ADGRL3: variants seen among roughly 807,000 people sequenced by gnomAD.
ADGRL3 encodes calcium-independent alpha-latrotoxin receptor 3.
ADGRL3 carries 62 observed loss-of-function variants against 153.5 expected under a neutral mutation model. That is an observed-to-expected ratio of 0.40 (90% confidence interval 0.33 to 0.50). The LOEUF (loss-of-function observed/expected upper bound fraction) is 0.50, where lower values mean the gene tolerates loss of function less well. Ranked by LOEUF, ADGRL3 falls within the 20% of genes least tolerant of loss-of-function variation. ADGRL3 has a pLI of 0.47. For synonymous variants in ADGRL3, 710 were observed against 672.5 expected (o/e 1.06, Z -0.86); for missense variants, 1,641 against 1,859.4 (o/e 0.88, Z 2.16).
At chr4:62,035,050 C>A (rs566074721) in intron 23 of ADGRL3, among the ~76,000 whole-genome samples, 1 of 151,916 alleles carries the variant, frequency 6.6e-6, no homozygotes, top group Admixed American at 6.6e-5. Context: ...AATGATTGAA[C>A]AATCAAATAA....
intron 17 of ADGRL3, among the ~76,000 whole-genome samples, chr4:61,977,957 C>T (rs2099053841): frequency 6.6e-6 from 1 of 152,098 alleles, no homozygotes; most frequent in Admixed American, 6.6e-5. Flanking sequence ...TCCCTACCAC[C>T]TCTGGTAGTC....
intron 6 of ADGRL3, among the ~76,000 whole-genome samples, chr4:61,718,955 G>T (rs530253132): frequency 6.6e-6 from 1 of 152,306 alleles, no homozygotes; most frequent in South Asian, 2.1e-4. Flanking sequence ...TTAGTGAATT[G>T]CTTCACAGAT....
At chr4:61,926,298 A>G (rs1319873579) in intron 13 of ADGRL3, among the ~76,000 whole-genome samples, 2 of 152,134 alleles carry the variant, frequency 1.3e-5, no homozygotes, top group Admixed American at 6.6e-5. Flanking sequence ...TGAATTTACT[A>G]TGTTACTCAT....
Position 62,066,639 on chromosome 4 carries a change from A to G in ADGRL3, c.3815-1527A>G, listed in dbSNP as rs1212179333. Among the ~76,000 whole-genome samples the G allele has an allele frequency of 3.1e-4, 47 of 152,154 alleles. 1 individual carries two copies. Among genetic ancestry groups the G allele is most frequent in the Non-Finnish European group, 1.5e-5 (1 of 67,992 alleles). ...AATTTAGAGAGGAAGTCATGATTTT[A>G]CTAAAATAATTTACATTTTAAAGTA... On this transcript the variant is annotated intron_variant, in intron 25 of 26. Coordinates refer to ENST00000683033, the MANE Select transcript of ADGRL3 (RefSeq NM_001387552.1).
chr4:61,789,539 G>A (rs1371423217), intron 8 of ADGRL3, among the ~76,000 whole-genome samples: 1 of 152,000 alleles, frequency 6.6e-6, no homozygotes, highest in African/African-American at 2.4e-5. Flanking sequence ...ACACAATAAA[G>A]TTCCATTTGC....
chr4:61,796,937 G>A lies in ADGRL3; in HGVS notation c.1400-16872G>A, dbSNP rs777034710. ...TGGGGCTTTGGTAATTGAACCATGTGATTTTGTGGTAGAATTGTTTTCCCC... is the reference window on the plus strand; with the variant it reads ...TGGGGCTTTGGTAATTGAACCATGTAATTTTGTGGTAGAATTGTTTTCCCC... On this transcript the variant is annotated intron_variant, in intron 8 of 26. Coordinates refer to ENST00000683033, the MANE Select transcript of ADGRL3 (RefSeq NM_001387552.1). 5.7e-4 allele frequency among the ~76,000 whole-genome samples: 87 copies of A among 152,284 alleles called. No homozygotes were observed. The Middle Eastern group carries it at 0.01, about 18-fold the overall frequency.
intron 13 of ADGRL3, among the ~76,000 whole-genome samples, chr4:61,921,882 A>G (rs1295126619): frequency 1.3e-5 from 2 of 152,206 alleles, no homozygotes; most frequent in African/African-American, 4.8e-5. Flanking sequence ...GCATTCTGCC[A>G]TGGAAAAGAG....
intron 13 of ADGRL3, among the ~76,000 whole-genome samples, chr4:61,917,502 A>G (rs1160126012): frequency 6.6e-6 from 1 of 152,216 alleles, no homozygotes; most frequent in Non-Finnish European, 1.5e-5. Context: ...AAACCAGCAG[A>G]AAGATATAGT....
intron 5 of ADGRL3, among the ~76,000 whole-genome samples, chr4:61,631,563 G>T (rs183349852): frequency 1.1e-4 from 16 of 152,114 alleles, no homozygotes; most frequent in Admixed American, 8.5e-4. Flanking sequence ...TTTTCTCTTT[G>T]CTTATGATGT....
chr4:61,764,781 A>G (rs2096955922), intron 8 of ADGRL3, among the ~76,000 whole-genome samples: 1 of 151,954 alleles, frequency 6.6e-6, no homozygotes, highest in Non-Finnish European at 1.5e-5. Flanking sequence ...GGTGGTATGG[A>G]GAGAGAATGG....
chr4:61,227,038 A>AG, intron 1 of ADGRL3, among the ~76,000 whole-genome samples: 1 of 76,216 alleles, frequency 1.3e-5, no homozygotes, highest in Admixed American at 1.4e-4. Flanking sequence ...TCTAAATGAA[A>AG]TCTTTTTAAT....
At chr4:61,478,170 A>G (rs1363781800) in intron 2 of ADGRL3, among the ~76,000 whole-genome samples, 1 of 152,126 alleles carries the variant, frequency 6.6e-6, no homozygotes, top group Non-Finnish European at 1.5e-5. Context: ...CAGAGTACTT[A>G]TGGGCATTTA....
intron 25 of ADGRL3, among the ~76,000 whole-genome samples, chr4:62,058,992 T>G (rs929792722): frequency 2.0e-5 from 3 of 152,178 alleles, no homozygotes; most frequent in Non-Finnish European, 2.9e-5. Context: ...AGACAGCTTC[T>G]GTGCAAGATT....
chr4:61,503,703 A>C (rs537373077), intron 3 of ADGRL3, among the ~76,000 whole-genome samples: 10 of 152,050 alleles, frequency 6.6e-5, no homozygotes, highest in African/African-American at 2.4e-5. Context: ...TAAAATTTCA[A>C]TTTTAAGTAA....
intron 2 of ADGRL3, among the ~76,000 whole-genome samples, chr4:61,416,972 A>G (rs1389890590): frequency 6.6e-6 from 1 of 152,138 alleles, no homozygotes; most frequent in African/African-American, 2.4e-5. Context: ...ACAGATCATC[A>G]GGCATTAGAT....
intron 21 of ADGRL3, among the ~76,000 whole-genome samples, chr4:62,024,484 A>G (rs1169671605): frequency 6.6e-6 from 1 of 152,164 alleles, no homozygotes; most frequent in African/African-American, 2.4e-5. Flanking sequence ...TAAAATTCAT[A>G]GTTGAAATAT....
intron 1 of ADGRL3, among the ~76,000 whole-genome samples, chr4:61,336,856 T>TC (rs1229572324): frequency 7.2e-6 from 1 of 138,802 alleles, no homozygotes; most frequent in Non-Finnish European, 1.6e-5. Flanking sequence ...TTCTTACAGT[T>TC]CCTTTTTTTT....
rs1158575730 is a variant in ADGRL3, at chr4:61,733,192, C to G, written c.1037C>G (p.Thr346Arg). 1 of 1,613,308 alleles carries G rather than the reference C, an allele frequency of 6.2e-7. No homozygotes were observed. Among genetic ancestry groups the G allele is most frequent in the Non-Finnish European group, 8.5e-7 (1 of 1,179,622 alleles). ...DENGLWVIYA[T>R]EQNNGKIVIS... ...AATGGGCTATGGGTAATCTATGCAA[C>G]AGAACAAAACAATGGTAAAATTGTC... Residue 346 changes from threonine (T) to arginine (R), a missense_variant, in exon 8 of 27, where the codon ACA becomes AGA. Transcript: ENST00000683033.
intron 1 of ADGRL3, among the ~76,000 whole-genome samples, chr4:61,215,170 G>T (rs1742068453): frequency 6.6e-6 from 1 of 152,072 alleles, no homozygotes; most frequent in Non-Finnish European, 1.5e-5. Context: ...TACATTTCTA[G>T]CAGTCAGAGT....
Sources: gnomAD v4.1 joint callset for allele counts (sites outside exome capture counted in the v4.1 genomes callset) on GRCh38, gnomAD v4.1.1 for gene constraint, MANE v1.5 for transcripts, NCBI Gene and HGNC (gene_info 2026-07-23, HGNC 2026-07-21) for gene names.